The following PPM1H variants were observed in gnomAD, a reference collection of about 807,000 sequenced individuals.
PPM1H encodes the protein protein phosphatase, Mg2+/Mn2+ dependent 1H.
A neutral mutation model predicts 54.9 loss-of-function variants in PPM1H; 27 were observed. The observed-to-expected ratio is 0.49, with a 90% CI of 0.36 to 0.68. The LOEUF is 0.68. Among genes scored for constraint, PPM1H ranks in the 30% least tolerant of loss-of-function variants. The pLI is 0.00. For synonymous variants in PPM1H, 305 were observed against 270.8 expected, an observed-to-expected ratio of 1.13 and a Z score of -1.24; for missense variants, 596 against 667.8, an observed-to-expected ratio of 0.89 and a Z score of 1.19.
At chr12:62,709,833 G>A (rs146156444) in intron 6 of PPM1H, among the ~76,000 whole-genome samples, 1,578 of 152,316 alleles carry the variant, frequency 0.01, 23 homozygotes, top group African/African-American at 0.036. Context: ...CACTTTGGGA[G>A]GCTGAGGCGG....
At chr12:62,773,869 A>G (rs906362469) in intron 4 of PPM1H, among the ~76,000 whole-genome samples, 2 of 152,192 alleles carry the variant, frequency 1.3e-5, no homozygotes, top group African/African-American at 4.8e-5. Flanking sequence ...ACCAAGTCCC[A>G]CTGGAGCTGG....
chr12:62,768,280 G>C (rs1290801542), intron 4 of PPM1H, among the ~76,000 whole-genome samples: 1 of 152,268 alleles, frequency 6.6e-6, no homozygotes, highest in African/African-American at 2.4e-5. Context: ...CAGGGAGATG[G>C]GGGAGCACAT....
chr12:62,804,794 G>T, intron 2 of PPM1H, among the ~76,000 whole-genome samples: 1 of 146,212 alleles, frequency 6.8e-6, no homozygotes. Context: ...TCCTGCCTCA[G>T]CCTCCCAAGT....
chr12:62,863,149 T>C (rs1365398845), intron 1 of PPM1H, among the ~76,000 whole-genome samples: 5 of 151,910 alleles, frequency 3.3e-5, no homozygotes, highest in South Asian at 2.1e-4. Flanking sequence ...GCCTCCAGCA[T>C]AGCTGGGACC....
intron 1 of PPM1H, among the ~76,000 whole-genome samples, chr12:62,868,203 G>A (rs530589114): frequency 5.3e-5 from 8 of 152,316 alleles, no homozygotes; most frequent in Middle Eastern, 3.4e-3. Flanking sequence ...AGACTTCTTA[G>A]AAGCCAGGTG....
At chr12:62,832,360 A>T in intron 1 of PPM1H, 81 bp from the exon 2 acceptor site, 1 of 1,380,498 alleles carries the variant, frequency 7.2e-7, no homozygotes, top group African/African-American at 1.4e-5. Flanking sequence ...CAGCCAAGAC[A>T]GTCTCTACAA....
intron 1 of PPM1H, among the ~76,000 whole-genome samples, chr12:62,902,565 CG>C (rs1036807209): frequency 3.9e-5 from 6 of 152,166 alleles, no homozygotes; most frequent in Admixed American, 2.0e-4. Context: ...GGGGTCCCCC[CG>C]CCCCTGGGGG....
intron 1 of PPM1H, among the ~76,000 whole-genome samples, chr12:62,845,929 G>A (rs1380375131): frequency 6.6e-6 from 1 of 151,968 alleles, no homozygotes. Flanking sequence ...GAATTCCAAG[G>A]AGCATCCTTG....
intron 1 of PPM1H, among the ~76,000 whole-genome samples, chr12:62,839,616 AATCTGT>A (rs1276340644): frequency 5.9e-5 from 9 of 151,758 alleles, no homozygotes; most frequent in African/African-American, 1.9e-4. Flanking sequence ...TGGGCATTTG[AATCTGT>A]AACCTTGCAA....
chr12:62,738,943 T>G (rs1283799683), intron 4 of PPM1H, among the ~76,000 whole-genome samples: 1 of 138,562 alleles, frequency 7.2e-6, no homozygotes, highest in Admixed American at 7.2e-5. Context: ...TCACCACCTG[T>G]GCCCTAGTTG....
intron 8 of PPM1H, among the ~76,000 whole-genome samples, chr12:62,686,164 C>A (rs2076050270): frequency 6.6e-6 from 1 of 152,234 alleles, no homozygotes; most frequent in Non-Finnish European, 1.5e-5. Flanking sequence ...TTACCGAGTT[C>A]TCAGGGACTC....
At chr12:62,650,912 C>T (rs1316114751) in intron 9 of PPM1H, among the ~76,000 whole-genome samples, 1 of 152,110 alleles carries the variant, frequency 6.6e-6, no homozygotes, top group Non-Finnish European at 1.5e-5. Flanking sequence ...AGAGCCAAAC[C>T]ATATCACCCC....
rs1263882924 is a variant in PPM1H at position 62,754,424 on chromosome 12, AG to A, written c.870-16839del. 2.0e-5 allele frequency among the ~76,000 whole-genome samples: 3 copies of A among 152,196 alleles called. No homozygotes were observed. In the East Asian group the frequency reaches 5.8e-4, roughly 29 times the overall value. ...CTAGCAAAAACACAAAATATTAGCCAGGCTTGGTGACACATGCCTGCAGTCC... is the reference window on the plus strand; with the variant it reads ...CTAGCAAAAACACAAAATATTAGCCAGCTTGGTGACACATGCCTGCAGTCC... On this transcript the variant is annotated intron_variant, in intron 4 of 9. Coordinates refer to ENST00000228705, the MANE Select transcript of PPM1H (RefSeq NM_020700.2).
chr12:62,774,690 T>C (rs975295223), intron 4 of PPM1H, among the ~76,000 whole-genome samples: 2 of 152,184 alleles, frequency 1.3e-5, no homozygotes, highest in African/African-American at 4.8e-5. Flanking sequence ...CCAATAATGA[T>C]TGAAAGTTTT....
chr12:62,889,491 T>TA (rs1192970164), intron 1 of PPM1H, among the ~76,000 whole-genome samples: 3 of 151,820 alleles, frequency 2.0e-5, no homozygotes, highest in African/African-American at 7.3e-5. Flanking sequence ...ATCCTGTCTC[T>TA]AAAAAAATTT....
intron 1 of PPM1H, among the ~76,000 whole-genome samples, chr12:62,871,451 G>A (rs1869978567): frequency 6.6e-6 from 1 of 151,282 alleles, no homozygotes; most frequent in African/African-American, 2.4e-5. Context: ...AAAAGTTCTA[G>A]AATTAGTGGT....
chr12:62,701,422 T>C lies in PPM1H; in HGVS notation c.1074-7423A>G, dbSNP rs543421866. ...TAGGACTTCTCCACCATAAACATACTTTGTCTTTGTGGCAATTTTATACAT... is the reference window on the plus strand; with the variant it reads ...TAGGACTTCTCCACCATAAACATACCTTGTCTTTGTGGCAATTTTATACAT... On this transcript the variant is annotated intron_variant, in intron 6 of 9. Transcript: ENST00000228705. 1.3e-3 allele frequency among the ~76,000 whole-genome samples: 191 copies of C among 152,308 alleles called. 1 individual carries two copies. Among genetic ancestry groups the C allele is most frequent in the African/African-American group, 4.4e-3 (183 of 41,558 alleles).
In PPM1H at chr12:62,751,177, G is replaced by A. The variant is rs187287630; in HGVS notation, c.870-13591C>T. On this transcript the variant is annotated intron_variant, in intron 4 of 9. Transcript: ENST00000228705. Reference sequence around the variant, plus strand: ...CACTATTTGTGTGCCAAGACAGGTAGGACTTGCAGAGCCCAGGAAGCAATT... The same window carrying A: ...CACTATTTGTGTGCCAAGACAGGTAAGACTTGCAGAGCCCAGGAAGCAATT... Among the ~76,000 whole-genome samples, 8 of 152,294 alleles carry A rather than the reference G, an allele frequency of 5.3e-5. No homozygotes were observed. The East Asian group carries it at 1.5e-3, about 29-fold the overall frequency.
At chr12:62,914,903 C>G (rs564421446) in intron 1 of PPM1H, among the ~76,000 whole-genome samples, 1 of 152,338 alleles carries the variant, frequency 6.6e-6, no homozygotes, top group South Asian at 2.1e-4. Context: ...GCTTTACTAT[C>G]TAGAAAGCCT....
Sources: allele counts gnomAD v4.1 joint callset (sites outside exome capture counted in the v4.1 genomes callset), GRCh38; gene constraint gnomAD v4.1.1; transcripts MANE v1.5; gene names NCBI Gene and HGNC (gene_info 2026-07-23, HGNC 2026-07-21).